MYSM1: variants seen among roughly 807,000 people sequenced by gnomAD.
The protein encoded by MYSM1 is deubiquitinase MYSM1.
A neutral mutation model predicts 116.0 loss-of-function variants in MYSM1; 51 were observed. That is an observed-to-expected ratio of 0.44 (90% CI 0.35 to 0.56). The LOEUF (loss-of-function observed/expected upper bound fraction) is 0.56. MYSM1 is among the 20% of genes least tolerant of loss of function. The pLI is 0.00. For synonymous variants in MYSM1, 313 were observed against 315.2 expected, an observed-to-expected ratio of 0.99 and a Z score of 0.07; for missense variants, 900 against 974.9, an observed-to-expected ratio of 0.92 and a Z score of 1.02.
Position 58,677,026 on chromosome 1 carries a change from C to T in MYSM1, c.1290G>A (p.Lys430=). ...WEICKPKYLN[K]TSVRPGLKNC... ...TCTTCAGGCCAGGACGTACTGAGGT[C>T]TTATTTAAGTATTTTGGTTTGCATA... The change falls in exon 9 of 20, where the codon AAG becomes AAA. Residue 430 remains lysine (K), a synonymous_variant. Coordinates refer to ENST00000472487, the MANE Select transcript of MYSM1 (RefSeq NM_001085487.3). 1 of 1,605,908 alleles carries T rather than the reference C, an allele frequency of 6.2e-7. No homozygotes were observed. Among genetic ancestry groups the T allele is most frequent in the African/African-American group, 1.3e-5 (1 of 74,602 alleles).
At chr1:58,671,786 T>C in intron 12 of MYSM1, 84 bp downstream of exon 12, 1 of 1,005,386 alleles carries the variant, frequency 9.9e-7, no homozygotes, top group Non-Finnish European at 1.5e-6. Context: ...GTGAACAATA[T>C]AATGCAGCTA....
chr1:58,666,644 G>A lies in MYSM1; in HGVS notation c.2031+394C>T, dbSNP rs184068675. On this transcript the variant is annotated intron_variant, in intron 16 of 19. Transcript: ENST00000472487. ...TCCCAGCACTTTTGGAGGCCGAGGC[G>A]GGCCAATCACCTGAGGTCAGGAGTT... Among the ~76,000 whole-genome samples the A allele has an allele frequency of 1.5e-3, 222 of 148,280 alleles. 2 individuals carry two copies. The highest frequency in any genetic ancestry group is 0.013 in the East Asian group (64 of 5,060).
chr1:58,686,082 T>C (rs1444703899), intron 6 of MYSM1, among the ~76,000 whole-genome samples: 1 of 152,110 alleles, frequency 6.6e-6, no homozygotes, highest in African/African-American at 2.4e-5. Context: ...CGCACCACTT[T>C]GCCGGGCTAA....
chr1:58,668,851 G>T, intron 13 of MYSM1, 133 bp downstream of exon 13: 1 of 987,028 alleles, frequency 1.0e-6, no homozygotes. Flanking sequence ...TAAAATTCCA[G>T]CAGGGAGAAA....
chr1:58,674,717 A>T (rs764333431), intron 10 of MYSM1, among the ~76,000 whole-genome samples: 9 of 152,018 alleles, frequency 5.9e-5, no homozygotes, highest in Non-Finnish European at 1.3e-4. Flanking sequence ...TGAGGTCAGG[A>T]GATCGAGACC....
rs1644309352 is a variant in MYSM1 at position 58,655,582 on chromosome 1, G to T, written c.*4415C>A. 6.6e-6 allele frequency: 1 copy of T among 152,124 alleles called. No individual in the cohort carries two copies. The highest frequency in any genetic ancestry group is 1.9e-4 in the East Asian group (1 of 5,184). 9.4% of individuals were successfully genotyped at this position (152,124 alleles called of 1,614,324 possible). On this transcript the variant is annotated 3_prime_UTR_variant, in exon 20 of 20. Transcript: ENST00000472487. ...AATATACTAGAAAGTATAATTATAG[G>T]TTAAATAAAAAAGAAAATAGAGAAA...
At chr1:58,694,007 T>C (rs1644938059) in intron 2 of MYSM1, among the ~76,000 whole-genome samples, 1 of 152,208 alleles carries the variant, frequency 6.6e-6, no homozygotes, top group Non-Finnish European at 1.5e-5. Flanking sequence ...CCAGAGCTTC[T>C]GTAGTTGCTG....
chr1:58,675,659 G>T, intron 9 of MYSM1, 79 bp from the exon 10 acceptor site: 1 of 1,003,154 alleles, frequency 1.0e-6, no homozygotes, highest in Non-Finnish European at 1.5e-6. Flanking sequence ...CATGTACACT[G>T]ACTATAGTGG....
At chr1:58,669,200 C>A (rs1490812011) in intron 12 of MYSM1, among the ~76,000 whole-genome samples, 162 bp from the exon 13 acceptor site, 1 of 148,312 alleles carries the variant, frequency 6.7e-6, no homozygotes, top group East Asian at 2.0e-4. Context: ...AAGCACTGTT[C>A]TTTTAGATTT....
intron 18 of MYSM1, 86 bp from the exon 19 acceptor site, chr1:58,661,313 A>C (rs1644388234): frequency 7.5e-7 from 1 of 1,333,768 alleles, no homozygotes; most frequent in Admixed American, 1.7e-5. Flanking sequence ...GATGCCATAC[A>C]TCACAATTTT....
intron 10 of MYSM1, 87 bp from the exon 11 acceptor site, chr1:58,673,737 TTATC>T (rs1644600504): frequency 1.8e-6 from 2 of 1,129,016 alleles, no homozygotes; most frequent in African/African-American, 3.1e-5. Flanking sequence ...AAAACAATAA[TTATC>T]TAAAAGTCAA....
In MYSM1 at chr1:58,671,970, T is replaced by C; in HGVS notation, c.1573-12A>G. 1.9e-6 allele frequency: 3 copies of C among 1,608,382 alleles called. No individual in the cohort carries two copies. Among genetic ancestry groups the C allele is most frequent in the Non-Finnish European group, 2.6e-6 (3 of 1,176,174 alleles). ...TCAGCAGAGAGATGCTAAAACAAAA[T>C]GCCAATTGATTAAGGAGTCCATCAT... On this transcript the variant is annotated splice_polypyrimidine_tract_variant and intron_variant, in intron 11 of 19. Coordinates refer to ENST00000472487, the MANE Select transcript of MYSM1 (RefSeq NM_001085487.3).
At chr1:58,661,621 G>A in intron 17 of MYSM1, 110 bp from the exon 18 acceptor site, 1 of 615,716 alleles carries the variant, frequency 1.6e-6, no homozygotes, top group Non-Finnish European at 2.8e-6. Flanking sequence ...TAGCTTTGCA[G>A]ATCAGCTGAA....
Position 58,695,203 on chromosome 1 carries a change from C to A in MYSM1, c.73G>T (p.Gly25Cys). 6.3e-7 allele frequency: 1 copy of A among 1,587,114 alleles called. No homozygotes were observed. Among genetic ancestry groups the A allele is most frequent in the South Asian group, 1.1e-5 (1 of 90,492 alleles). ...VAAAGAQPGSGENTASVLQKD... is the reference protein window; with the variant it reads ...VAAAGAQPGSCENTASVLQKD... ...TGTAAAACTGATGCTGTATTTTCAC[C>A]ACTTCTGTAATAATTAAGAAAATGA... Residue 25 changes from glycine (G) to cysteine (C), a missense_variant, in exon 2 of 20, where the codon GGT becomes TGT. Coordinates refer to ENST00000472487, the MANE Select transcript of MYSM1 (RefSeq NM_001085487.3).
chr1:58,684,616 T>C (rs903682329), intron 7 of MYSM1, among the ~76,000 whole-genome samples: 7 of 151,148 alleles, frequency 4.6e-5, no homozygotes, highest in African/African-American at 1.7e-4. Context: ...AACGACATGG[T>C]TGCATATAGC....
Position 58,656,757 on chromosome 1 carries a change from A to G in MYSM1, c.*3240T>C, listed in dbSNP as rs1174333191. On this transcript the variant is annotated 3_prime_UTR_variant, in exon 20 of 20. Coordinates refer to ENST00000472487, the MANE Select transcript of MYSM1 (RefSeq NM_001085487.3). Reference sequence around the variant, plus strand: ...TTTTTCCAATGATGCCCTTCAGAATACAGGCAATGCCAACTTATCCATTAG... The same window carrying G: ...TTTTTCCAATGATGCCCTTCAGAATGCAGGCAATGCCAACTTATCCATTAG... 6.6e-6 allele frequency: 1 copy of G among 152,192 alleles called. No individual in the cohort carries two copies. The highest frequency in any genetic ancestry group is 1.5e-5 in the Non-Finnish European group (1 of 68,034). 9.4% of individuals were successfully genotyped at this position (152,192 alleles called of 1,614,324 possible).
intron 7 of MYSM1, 37 bp downstream of exon 7, chr1:58,685,116 T>A (rs1644808483): frequency 6.8e-7 from 1 of 1,469,478 alleles, no homozygotes; most frequent in African/African-American, 1.4e-5. Flanking sequence ...TTTCTAAATA[T>A]TATCATTATT....
chr1:58,690,680 AT>A (rs35937590), intron 3 of MYSM1, among the ~76,000 whole-genome samples: 82,371 of 137,736 alleles, frequency 0.6, 23,536 homozygotes, highest in Admixed American at 0.62. Flanking sequence ...TTATTTTGTG[AT>A]TTTTTTTTTT....
intron 19 of MYSM1, among the ~76,000 whole-genome samples, chr1:58,660,711 C>G (rs1557502246): frequency 6.6e-6 from 1 of 152,038 alleles, no homozygotes; most frequent in Non-Finnish European, 1.5e-5. Flanking sequence ...GATCTACTAG[C>G]CTTCAATCAT....
Sources: allele counts gnomAD v4.1 joint callset (sites outside exome capture counted in the v4.1 genomes callset), GRCh38; gene constraint gnomAD v4.1.1; transcripts MANE v1.5; gene names NCBI Gene and HGNC (gene_info 2026-07-23, HGNC 2026-07-21).